ANGPT1: variants seen among roughly 807,000 people sequenced by gnomAD.
The protein encoded by ANGPT1 is angiopoietin-1.
ANGPT1 carries 17 observed loss-of-function variants against 62.2 expected under a neutral mutation model. That is an observed-to-expected ratio of 0.27 (90% CI 0.19 to 0.41). The LOEUF is 0.41. Among genes scored for constraint, ANGPT1 ranks in the 10% least tolerant of loss-of-function variants. The pLI is 1.00. For missense variants in ANGPT1, 478 were observed against 594.9 expected, an observed-to-expected ratio of 0.80 and a Z score of 2.04; for synonymous variants, 199 against 198.9, an observed-to-expected ratio of 1.00 and a Z score of 0.00.
intron 1 of ANGPT1, among the ~76,000 whole-genome samples, chr8:107,452,684 A>T (rs1402027030): frequency 6.6e-6 from 1 of 151,960 alleles, no homozygotes; most frequent in Non-Finnish European, 1.5e-5. Flanking sequence ...AAAAATACTT[A>T]TATTTCCAGA....
chr8:107,493,823 T>C (rs1427994417), intron 1 of ANGPT1, among the ~76,000 whole-genome samples: 1 of 150,362 alleles, frequency 6.7e-6, no homozygotes, highest in African/African-American at 2.5e-5. Flanking sequence ...ATATGTAATA[T>C]ATGGGTTTAA....
chr8:107,256,098 C>T (rs1813350853), intron 8 of ANGPT1, among the ~76,000 whole-genome samples: 1 of 152,048 alleles, frequency 6.6e-6, no homozygotes, highest in African/African-American at 2.4e-5. Flanking sequence ...TCAATTAACT[C>T]TTTATCTTAA....
At chr8:107,473,013 C>A (rs926742797) in intron 1 of ANGPT1, among the ~76,000 whole-genome samples, 4 of 152,038 alleles carry the variant, frequency 2.6e-5, no homozygotes, top group African/African-American at 9.7e-5. Context: ...CTCTTCAATT[C>A]TCCAGGGGTT....
intron 4 of ANGPT1, among the ~76,000 whole-genome samples, chr8:107,310,361 A>C (rs1814820391): frequency 6.6e-6 from 1 of 152,206 alleles, no homozygotes; most frequent in African/African-American, 2.4e-5. Context: ...CTCTGACTAT[A>C]AAGCTGAAAA....
chr8:107,366,366 C>T (rs1255012418), intron 1 of ANGPT1, among the ~76,000 whole-genome samples: 5 of 152,084 alleles, frequency 3.3e-5, no homozygotes, highest in Non-Finnish European at 7.4e-5. Context: ...TATTACACCA[C>T]CAAAAAGCCA....
At chr8:107,321,862 A>G in intron 4 of ANGPT1, 34 bp downstream of exon 4, 1 of 1,579,408 alleles carries the variant, frequency 6.3e-7, no homozygotes, top group East Asian at 2.2e-5. Context: ...GAAATAAAAT[A>G]TTAACAATAC....
At position 107,322,057 on chromosome 8, in the gene ANGPT1, T is replaced by C. The variant is rs1384408016; in HGVS notation, c.647A>G (p.Lys216Arg). The C allele has an allele frequency of 1.2e-5, 20 of 1,613,920 alleles. No individual in the cohort carries two copies. The highest frequency in any genetic ancestry group is 1.7e-5 in the Admixed American group (1 of 59,994). Reference protein sequence around the residue: ...KEELDTLKEEKENLQGLVTRQ... With the variant: ...KEELDTLKEERENLQGLVTRQ... Reference sequence around the variant, plus strand: ...AGTAACCAAGCCTTGAAGGTTCTCTTTCTCTTCCTTTAAGGTGTCCAACTC... The same window carrying C: ...AGTAACCAAGCCTTGAAGGTTCTCTCTCTCTTCCTTTAAGGTGTCCAACTC... Residue 216 changes from lysine (K) to arginine (R), a missense_variant, in exon 4 of 9, where the codon AAA becomes AGA. By Grantham distance (26) the Lys-to-Arg change is conservative. This residue lies in a region of ANGPT1 where 343 missense variants were observed against 355.4 expected (regional missense o/e 0.97). Transcript: ENST00000517746.
chr8:107,300,684 T>C (rs1333536978), intron 5 of ANGPT1, among the ~76,000 whole-genome samples: 1 of 151,960 alleles, frequency 6.6e-6, no homozygotes, highest in Non-Finnish European at 1.5e-5. Context: ...ATGTTACTGC[T>C]AACCTGTTCA....
chr8:107,341,808 G>A (rs1191182480), intron 2 of ANGPT1, among the ~76,000 whole-genome samples: 2 of 151,962 alleles, frequency 1.3e-5, no homozygotes, highest in Non-Finnish European at 2.9e-5. Flanking sequence ...ATGCAACCCA[G>A]AGAGTCTATC....
At chr8:107,423,880 A>T (rs1240710390) in intron 1 of ANGPT1, among the ~76,000 whole-genome samples, 1 of 115,414 alleles carries the variant, frequency 8.7e-6, no homozygotes, top group Non-Finnish European at 1.6e-5. Flanking sequence ...TTGCTCTGTC[A>T]CCCAGGCTGG....
chr8:107,417,972 T>G (rs2130371367), intron 1 of ANGPT1, among the ~76,000 whole-genome samples: 1 of 152,314 alleles, frequency 6.6e-6, no homozygotes, highest in South Asian at 2.1e-4. Context: ...AGAATTGTTC[T>G]GTCTCTGCAA....
intron 1 of ANGPT1, among the ~76,000 whole-genome samples, chr8:107,356,860 A>G (rs1179512311): frequency 2.6e-5 from 4 of 152,270 alleles, no homozygotes; most frequent in Non-Finnish European, 4.4e-5. Flanking sequence ...GGATTCAGGT[A>G]GAAGGCAAAG....
intron 1 of ANGPT1, among the ~76,000 whole-genome samples, chr8:107,391,011 T>TAAACA (rs1453271675): frequency 6.6e-6 from 1 of 152,184 alleles, no homozygotes; most frequent in African/African-American, 2.4e-5. Flanking sequence ...ATGTGTAATA[T>TAAACA]TTGCTATCAT....
intron 5 of ANGPT1, among the ~76,000 whole-genome samples, chr8:107,297,078 G>T (rs1814433662): frequency 6.6e-6 from 1 of 151,992 alleles, no homozygotes; most frequent in Non-Finnish European, 1.5e-5. Flanking sequence ...CCAGTGACTT[G>T]TAAATGTTCA....
intron 5 of ANGPT1, among the ~76,000 whole-genome samples, chr8:107,300,319 A>G (rs1814556973): frequency 6.6e-6 from 1 of 151,518 alleles, no homozygotes; most frequent in Admixed American, 6.6e-5. Flanking sequence ...ATGCAATTAT[A>G]CTAAGGGATT....
In ANGPT1 at chr8:107,251,571, T is replaced by C. The variant is rs1380809830; in HGVS notation, c.*284A>G. ...TTCCAAAATAAGGTCCAGTAGTAGTTTGAAGCACAGCAAGCTCAGCAGTTT... is the reference window on the plus strand; with the variant it reads ...TTCCAAAATAAGGTCCAGTAGTAGTCTGAAGCACAGCAAGCTCAGCAGTTT... On this transcript the variant is annotated 3_prime_UTR_variant, in exon 9 of 9. Coordinates refer to ENST00000517746, the MANE Select transcript of ANGPT1 (RefSeq NM_001146.5). The C allele has an allele frequency of 3.0e-6, 1 of 329,020 alleles. No individual in the cohort carries two copies. The highest frequency in any genetic ancestry group is 4.3e-5 in the Admixed American group (1 of 23,464). 20.4% of individuals were successfully genotyped at this position (329,020 alleles called of 1,614,324 possible).
chr8:107,327,223 T>A (rs780195631), intron 3 of ANGPT1, among the ~76,000 whole-genome samples: 1 of 152,262 alleles, frequency 6.6e-6, no homozygotes, highest in Non-Finnish European at 1.5e-5. Context: ...TTTAATTATA[T>A]TGTTAATATA....
chr8:107,445,664 C>A (rs1232842254), intron 1 of ANGPT1, among the ~76,000 whole-genome samples: 2 of 152,028 alleles, frequency 1.3e-5, no homozygotes, highest in Admixed American at 6.6e-5. Context: ...CCTGCTGGGT[C>A]CTGGAAGGAG....
intron 1 of ANGPT1, among the ~76,000 whole-genome samples, chr8:107,367,662 G>C (rs1189815812): frequency 1.3e-5 from 2 of 152,100 alleles, no homozygotes; most frequent in East Asian, 3.8e-4. Flanking sequence ...CTGAAACCCT[G>C]TCAATACTTT....
Sources: allele counts gnomAD v4.1 joint callset (sites outside exome capture counted in the v4.1 genomes callset), GRCh38; gene constraint gnomAD v4.1.1; regional missense constraint gnomAD v4.1.1; transcripts MANE v1.5; gene names NCBI Gene and HGNC (gene_info 2026-07-23, HGNC 2026-07-21).